SMYD3: variants seen among roughly 807,000 people sequenced by gnomAD.
The protein encoded by SMYD3 is SET and MYND domain containing 3.
A neutral mutation model predicts 57.7 loss-of-function variants in SMYD3; 36 were observed. The ratio of observed to expected loss-of-function variants is 0.62; its 90% CI spans 0.48 to 0.82. SMYD3 has a LOEUF of 0.82. SMYD3 is among the 40% of genes least tolerant of loss of function. The pLI is 0.00. For missense variants in SMYD3, 515 were observed against 538.8 expected (o/e 0.96, Z 0.44); for synonymous variants, 211 against 195.0 (o/e 1.08, Z -0.68).
chr1:245,822,809 G>C (rs1206654115), intron 10 of SMYD3, among the ~76,000 whole-genome samples: 1 of 152,122 alleles, frequency 6.6e-6, no homozygotes, highest in African/African-American at 2.4e-5. Context: ...GTGATCAAAA[G>C]ACATTTTTAC....
intron 5 of SMYD3, among the ~76,000 whole-genome samples, chr1:246,228,183 T>C (rs1043902055): frequency 4.6e-5 from 7 of 152,158 alleles, no homozygotes; most frequent in Non-Finnish European, 1.0e-4. Flanking sequence ...TTGGCCAGGC[T>C]GGTCTGAAAC....
Position 245,805,152 on chromosome 1 carries a change from G to C in SMYD3, c.1077-41003C>G, listed in dbSNP as rs151165105. Among the ~76,000 whole-genome samples the C allele has an allele frequency of 6.1e-3, 848 of 140,104 alleles. 15 individuals carry two copies. The highest frequency in any genetic ancestry group is 0.022 in the African/African-American group (806 of 36,170). 91.9% of individuals were successfully genotyped at this position (140,104 alleles called of 152,430 possible). On this transcript the variant is annotated intron_variant, in intron 10 of 11. Coordinates refer to ENST00000490107, the MANE Select transcript of SMYD3 (RefSeq NM_001167740.2). ...GAAAATAGAATTTCCTGGTAAGTGA[G>C]AATGAAAAAAAAAAAAAAAGTTTAC... is the stretch of plus-strand genomic sequence containing the variant.
intron 10 of SMYD3, among the ~76,000 whole-genome samples, chr1:245,803,126 T>A (rs1181820777): frequency 1.3e-5 from 2 of 152,172 alleles, no homozygotes; most frequent in Non-Finnish European, 2.9e-5. Context: ...AGGACCTAAT[T>A]TAATGGTGAA....
chr1:245,946,272 G>C (rs368099147), intron 5 of SMYD3, among the ~76,000 whole-genome samples: 42 of 152,262 alleles, frequency 2.8e-4, no homozygotes, highest in Middle Eastern at 3.4e-3. Flanking sequence ...GATGGTCTCA[G>C]AGTTGTTCCA....
intron 1 of SMYD3, among the ~76,000 whole-genome samples, chr1:246,427,054 A>G (rs1285084704): frequency 2.0e-5 from 3 of 152,216 alleles, no homozygotes; most frequent in African/African-American, 7.2e-5. Context: ...GAGAGAAGTT[A>G]GTAGACAAGA....
At chr1:245,921,549 G>GTATATATATATATATATATA (rs143521072) in intron 7 of SMYD3, among the ~76,000 whole-genome samples, 190 of 141,298 alleles carry the variant, frequency 1.3e-3, no homozygotes, top group Middle Eastern at 3.5e-3. Flanking sequence ...AAAATGTGGT[G>GTATATATATATATATATATA]TATATATATA....
intron 1 of SMYD3, among the ~76,000 whole-genome samples, chr1:246,438,732 G>T (rs1050136151): frequency 3.3e-5 from 5 of 151,872 alleles, no homozygotes; most frequent in African/African-American, 7.3e-5. Flanking sequence ...ATGCTGGGGC[G>T]GGGGGCGGAG....
rs138562065 is a variant in SMYD3 at position 246,310,387 on chromosome 1, A to G, written c.531+16814T>C. 3.9e-3 allele frequency among the ~76,000 whole-genome samples: 587 copies of G among 152,326 alleles called. 16 individuals are homozygous for G. The highest frequency in any genetic ancestry group is 0.029 in the Admixed American group (442 of 15,296). On this transcript the variant is annotated intron_variant, in intron 5 of 11. Coordinates refer to ENST00000490107, the MANE Select transcript of SMYD3 (RefSeq NM_001167740.2). ...TGGACTGGAGCTTTTAGCTCTTCCC[A>G]TTAGTGATGAAATGGCCAGCTTAAG...
At chr1:245,872,274 A>G (rs1252338355) in intron 8 of SMYD3, among the ~76,000 whole-genome samples, 1 of 152,198 alleles carries the variant, frequency 6.6e-6, no homozygotes, top group Non-Finnish European at 1.5e-5. Context: ...AGATGTCCAC[A>G]AGCAGGATGT....
intron 8 of SMYD3, among the ~76,000 whole-genome samples, chr1:245,880,321 G>T (rs367892377): frequency 2.0e-4 from 31 of 152,332 alleles, no homozygotes; most frequent in African/African-American, 7.2e-4. Flanking sequence ...TATTCTGGGG[G>T]TAAGATAAGG....
intron 1 of SMYD3, among the ~76,000 whole-genome samples, chr1:246,422,037 G>C (rs2067151512): frequency 6.6e-6 from 1 of 152,130 alleles, no homozygotes. Flanking sequence ...TATTATACCA[G>C]CTATCTAGAC....
chr1:246,349,530 C>T (rs1453251812), intron 2 of SMYD3, among the ~76,000 whole-genome samples: 1 of 151,992 alleles, frequency 6.6e-6, no homozygotes, highest in Non-Finnish European at 1.5e-5. Context: ...ATGAGTTGAA[C>T]TGAGGAGGTC....
intron 5 of SMYD3, among the ~76,000 whole-genome samples, chr1:245,949,825 A>ACCTCCCCCCCCCCCCCCC (rs2057560212): frequency 1.1e-5 from 1 of 93,306 alleles, no homozygotes; most frequent in Non-Finnish European, 1.9e-5. Context: ...AAAGAAACCC[A>ACCTCCCCCCCCCCCCCCC]CCCCCCCCAC....
chr1:246,211,236 T>C (rs962080786), intron 5 of SMYD3, among the ~76,000 whole-genome samples: 5 of 152,174 alleles, frequency 3.3e-5, no homozygotes, highest in Admixed American at 6.5e-5. Context: ...TGACAGCTCA[T>C]TGACTTTATT....
At chr1:246,424,367 TA>T (rs1311651767) in intron 1 of SMYD3, among the ~76,000 whole-genome samples, 1 of 151,726 alleles carries the variant, frequency 6.6e-6, no homozygotes, top group Non-Finnish European at 1.5e-5. Context: ...GGAATATTAA[TA>T]AATACTCAAA....
intron 5 of SMYD3, among the ~76,000 whole-genome samples, chr1:246,255,020 C>G (rs1033416436): frequency 6.6e-6 from 1 of 152,076 alleles, no homozygotes; most frequent in Non-Finnish European, 1.5e-5. Context: ...GTTTCAGGAG[C>G]CTTTTGGTGG....
intron 5 of SMYD3, among the ~76,000 whole-genome samples, chr1:246,250,774 G>A (rs1444560404): frequency 6.6e-6 from 1 of 152,154 alleles, no homozygotes; most frequent in Non-Finnish European, 1.5e-5. Context: ...AACTTTTAAA[G>A]TGCAACCATC....
intron 5 of SMYD3, among the ~76,000 whole-genome samples, chr1:246,302,961 A>G (rs143503281): frequency 0.011 from 1,712 of 152,322 alleles, 13 homozygotes; most frequent in Non-Finnish European, 0.017. Context: ...AAACACCACA[A>G]ATATGTGGGT....
intron 10 of SMYD3, among the ~76,000 whole-genome samples, chr1:245,830,442 T>A (rs916275938): frequency 2.6e-5 from 4 of 152,212 alleles, no homozygotes; most frequent in African/African-American, 9.6e-5. Context: ...ACTGCCTCCA[T>A]GATTCAATTA....
Sources: gnomAD v4.1 joint callset for allele counts (sites outside exome capture counted in the v4.1 genomes callset) on GRCh38, gnomAD v4.1.1 for gene constraint, MANE v1.5 for transcripts, NCBI Gene and HGNC (gene_info 2026-07-23, HGNC 2026-07-21) for gene names.